ATP8B1: variants seen among roughly 807,000 people sequenced by gnomAD.
ATP8B1 encodes the protein ATPase phospholipid transporting 8B1.
In ATP8B1, 80 loss-of-function variants were observed where a neutral mutation model predicts 149.9. The ratio of observed to expected loss-of-function variants is 0.53; its 90% CI spans 0.45 to 0.64. The LOEUF (loss-of-function observed/expected upper bound fraction) is 0.64, where lower values mean the gene tolerates loss of function less well. Ranked by LOEUF, ATP8B1 falls within the 30% of genes least tolerant of loss-of-function variation. The pLI is 0.00. For synonymous variants in ATP8B1, 536 were observed against 562.8 expected, an observed-to-expected ratio of 0.95 and a Z score of 0.67; for missense variants, 1,247 against 1,552.6, an observed-to-expected ratio of 0.80 and a Z score of 3.31.
At position 57,756,301 on chromosome 18, in the gene ATP8B1, G is replaced by GTA. The variant is rs1384350680; in HGVS notation, c.-25-24471_-25-24470dup. Among the ~76,000 whole-genome samples, 73 of 107,820 alleles carry GTA rather than the reference G, an allele frequency of 6.8e-4. 3 individuals carry two copies. The highest frequency in any genetic ancestry group is 2.8e-3 in the East Asian group (12 of 4,282). The allele number at this position is 107,820 out of a possible 152,430, so 70.7% of individuals were successfully genotyped here. A position where few individuals can be genotyped will look rare whatever the true frequency, so the allele number is the denominator to read the frequency against. On this transcript the variant is annotated intron_variant, in intron 1 of 27. Coordinates refer to ENST00000648908, the MANE Select transcript of ATP8B1 (RefSeq NM_001374385.1). Reference sequence around the variant, plus strand: ...ACAACATATATATGTGTGTGTGTATGTATATATATATATATTTGAGACTGA... The same window carrying GTA: ...ACAACATATATATGTGTGTGTGTATGTATATATATATATATATTTGAGACTGA...
intron 2 of ATP8B1, among the ~76,000 whole-genome samples, chr18:57,729,223 C>T (rs1211963896): frequency 1.3e-5 from 2 of 152,098 alleles, no homozygotes; most frequent in Admixed American, 6.6e-5. Context: ...TGCTGTGTCT[C>T]GGACTACACG....
At chr18:57,705,137 A>G (rs1913326245) in intron 3 of ATP8B1, among the ~76,000 whole-genome samples, 1 of 152,220 alleles carries the variant, frequency 6.6e-6, no homozygotes, top group African/African-American at 2.4e-5. Context: ...CTAGCCAAGC[A>G]GCCAAGCCTC....
chr18:57,702,872 AAGAG>A (rs1208571083), intron 4 of ATP8B1, among the ~76,000 whole-genome samples: 13 of 147,492 alleles, frequency 8.8e-5, no homozygotes, highest in Admixed American at 2.7e-4. Flanking sequence ...AAAAAAAAAA[AAGAG>A]AGAGAGAAGA....
chr18:57,699,954 T>TG (rs1913038090), intron 6 of ATP8B1, among the ~76,000 whole-genome samples: 1 of 152,180 alleles, frequency 6.6e-6, no homozygotes, highest in African/African-American at 2.4e-5. Context: ...GGCAGGGCCA[T>TG]GGCCTGAGCA....
At chr18:57,711,104 A>G (rs923139898) in intron 2 of ATP8B1, among the ~76,000 whole-genome samples, 3 of 152,236 alleles carry the variant, frequency 2.0e-5, no homozygotes, top group South Asian at 2.1e-4. Context: ...ACTCTGAGGT[A>G]GCCTTTATGG....
intron 11 of ATP8B1, 101 bp downstream of exon 11, chr18:57,694,481 C>T (rs1912700800): frequency 2.4e-6 from 2 of 824,302 alleles, no homozygotes; most frequent in Non-Finnish European, 2.0e-6. Flanking sequence ...TTTTCTATTC[C>T]ACCTAAAGAG....
At chr18:57,670,668 A>C (rs1911171308) in intron 17 of ATP8B1, among the ~76,000 whole-genome samples, 1 of 151,760 alleles carries the variant, frequency 6.6e-6, no homozygotes, top group Non-Finnish European at 1.5e-5. Flanking sequence ...CATTTTAAAC[A>C]GTTTCAACAT....
chr18:57,710,698 G>A (rs1454076575), intron 2 of ATP8B1, among the ~76,000 whole-genome samples: 2 of 152,272 alleles, frequency 1.3e-5, no homozygotes, highest in South Asian at 2.1e-4. Context: ...CCAATGATGC[G>A]ATCTCAGCTC....
At chr18:57,773,215 A>AG (rs1440436757) in intron 1 of ATP8B1, among the ~76,000 whole-genome samples, 3 of 151,410 alleles carry the variant, frequency 2.0e-5, no homozygotes, top group East Asian at 1.9e-4. Flanking sequence ...AAAAAAAAAA[A>AG]AAAGAAAAGA....
intron 1 of ATP8B1, among the ~76,000 whole-genome samples, chr18:57,744,432 A>G (rs991220387): frequency 2.6e-5 from 4 of 152,126 alleles, no homozygotes; most frequent in African/African-American, 9.7e-5. Context: ...AAGGAAAAAA[A>G]AAGTAAATAA....
chr18:57,756,291 G>GTATATATATATACATATATATATA, intron 1 of ATP8B1, among the ~76,000 whole-genome samples: 1 of 27,184 alleles, frequency 3.7e-5, no homozygotes, highest in African/African-American at 2.0e-4. Context: ...ATATATATGT[G>GTATATATATATACATATATATATA]TGTGTGTATG....
chr18:57,711,095 C>G (rs899608023), intron 2 of ATP8B1, among the ~76,000 whole-genome samples: 1 of 152,216 alleles, frequency 6.6e-6, no homozygotes, highest in African/African-American at 2.4e-5. Context: ...GAAACAGACA[C>G]TCTGAGGTAG....
chr18:57,744,307 C>CAAAAAAAAAAAAAAAA (rs10680324), intron 1 of ATP8B1, among the ~76,000 whole-genome samples: 1 of 97,830 alleles, frequency 1.0e-5, no homozygotes, highest in Admixed American at 1.3e-4. Context: ...GAGACTGTCT[C>CAAAAAAAAAAAAAAAA]AAAAAAAAAA....
At chr18:57,653,143 CTTTT>C (rs902936272) in intron 24 of ATP8B1, among the ~76,000 whole-genome samples, 1 of 151,932 alleles carries the variant, frequency 6.6e-6, no homozygotes, top group African/African-American at 2.4e-5. Context: ...GTGCTTCTTT[CTTTT>C]TAAGAATTGG....
chr18:57,719,541 G>A (rs939968756), intron 2 of ATP8B1, among the ~76,000 whole-genome samples: 11 of 152,192 alleles, frequency 7.2e-5, no homozygotes, highest in African/African-American at 2.4e-4. Flanking sequence ...CGAATATTGC[G>A]CTTTTCAGAC....
intron 15 of ATP8B1, among the ~76,000 whole-genome samples, chr18:57,676,552 T>C (rs1911600304): frequency 6.6e-6 from 1 of 150,454 alleles, no homozygotes; most frequent in South Asian, 2.1e-4. Flanking sequence ...ACTCTGTCTC[T>C]ACTAAAAACA....
chr18:57,752,256 A>G (rs1020578727), intron 1 of ATP8B1, among the ~76,000 whole-genome samples: 23 of 145,770 alleles, frequency 1.6e-4, no homozygotes, highest in Non-Finnish European at 3.5e-4. Context: ...ATGATAATCT[A>G]AAGGTGCAAG....
chr18:57,689,562 T>C (rs73439180), intron 12 of ATP8B1, among the ~76,000 whole-genome samples: 9,497 of 152,240 alleles, frequency 0.062, 472 homozygotes, highest in East Asian at 0.18. Context: ...TCCGTAAGTA[T>C]TTCCTAAGTG....
At chr18:57,716,750 A>G (rs548776194) in intron 2 of ATP8B1, among the ~76,000 whole-genome samples, 1 of 152,346 alleles carries the variant, frequency 6.6e-6, no homozygotes, top group East Asian at 1.9e-4. Context: ...CATCAACACT[A>G]CACTTTCAGC....
Sources: gnomAD v4.1 joint callset for allele counts (sites outside exome capture counted in the v4.1 genomes callset) on GRCh38, gnomAD v4.1.1 for gene constraint, MANE v1.5 for transcripts, NCBI Gene and HGNC (gene_info 2026-07-23, HGNC 2026-07-21) for gene names.